EFL1: variants seen among roughly 807,000 people sequenced by gnomAD.
The protein encoded by EFL1 is elongation factor-like GTPase 1.
A neutral mutation model predicts 126.7 loss-of-function variants in EFL1; 76 were observed. The ratio of observed to expected loss-of-function variants is 0.60; its 90% confidence interval spans 0.50 to 0.73. The LOEUF (loss-of-function observed/expected upper bound fraction) is 0.73, where lower values mean the gene tolerates loss of function less well. EFL1 is among the 30% of genes least tolerant of loss of function. The pLI is 0.00. For missense variants in EFL1, 1,128 were observed against 1,343.2 expected (o/e 0.84, Z 2.50); for synonymous variants, 410 against 448.4 (o/e 0.91, Z 1.08).
chr15:82,130,688 G>T, intron 19 of EFL1, 127 bp from the exon 20 acceptor site: 2 of 957,848 alleles, frequency 2.1e-6, no homozygotes, highest in Non-Finnish European at 3.1e-6. Context: ...AGCTAAGCTT[G>T]CTAGGAATGG....
intron 15 of EFL1, among the ~76,000 whole-genome samples, chr15:82,198,453 AAAAAACAAAAAAC>A (rs2074433358): frequency 6.6e-6 from 1 of 152,164 alleles, no homozygotes; most frequent in South Asian, 2.1e-4. Flanking sequence ...TGTTTTGTTT[AAAAAACAAAAAAC>A]TCCTGCTTAT....
At chr15:82,256,500 A>T (rs908324230) in intron 3 of EFL1, among the ~76,000 whole-genome samples, 3 of 152,232 alleles carry the variant, frequency 2.0e-5, no homozygotes, top group Non-Finnish European at 2.9e-5. Flanking sequence ...AACCTCCAGT[A>T]CAATCTAAAG....
rs145255253 is a variant in EFL1, at chr15:82,236,915, G to A, written c.731+1392C>T. On this transcript the variant is annotated intron_variant, in intron 7 of 19. Coordinates refer to ENST00000268206, the MANE Select transcript of EFL1 (RefSeq NM_024580.6). ...TCCCAGCACTGTGGGAGGCCGAGGCGGATCACTTGAGGTCAGGAGTTTGAG... is the reference window on the plus strand; with the variant it reads ...TCCCAGCACTGTGGGAGGCCGAGGCAGATCACTTGAGGTCAGGAGTTTGAG... 7.1e-3 allele frequency among the ~76,000 whole-genome samples: 1,076 copies of A among 152,270 alleles called. 15 individuals carry two copies. The highest frequency in any genetic ancestry group is 0.025 in the African/African-American group (1,018 of 41,544).
chr15:82,217,333 G>T (rs1396767818), intron 14 of EFL1, among the ~76,000 whole-genome samples: 1 of 67,484 alleles, frequency 1.5e-5, no homozygotes, highest in African/African-American at 5.9e-5. Flanking sequence ...TGCATAAGGA[G>T]ATATATACAA....
At chr15:82,258,050 G>A (rs534975663) in intron 3 of EFL1, among the ~76,000 whole-genome samples, 11 of 152,080 alleles carry the variant, frequency 7.2e-5, no homozygotes, top group African/African-American at 9.7e-5. Flanking sequence ...TTCCCAAATC[G>A]ATCTTCAAGT....
chr15:82,140,288 C>A (rs907576520), intron 18 of EFL1, among the ~76,000 whole-genome samples: 3 of 152,134 alleles, frequency 2.0e-5, no homozygotes, highest in African/African-American at 7.2e-5. Context: ...GAAACTGCTT[C>A]CTTGAAATTT....
At chr15:82,156,107 T>C (rs781216851) in intron 17 of EFL1, among the ~76,000 whole-genome samples, 4 of 152,194 alleles carry the variant, frequency 2.6e-5, no homozygotes, top group Non-Finnish European at 5.9e-5. Context: ...AAGAAGCTTT[T>C]TGCCACCCTG....
intron 18 of EFL1, among the ~76,000 whole-genome samples, chr15:82,147,904 C>T (rs143236022): frequency 1.3e-5 from 2 of 152,192 alleles, no homozygotes; most frequent in African/African-American, 4.8e-5. Context: ...CCAAGATGCT[C>T]AAAATCAAAA....
intron 12 of EFL1, among the ~76,000 whole-genome samples, chr15:82,220,732 G>A (rs917926520): frequency 2.6e-5 from 4 of 151,726 alleles, no homozygotes; most frequent in African/African-American, 9.7e-5. Context: ...CACAGAAAAG[G>A]CAGTGTGTGG....
intron 15 of EFL1, among the ~76,000 whole-genome samples, chr15:82,197,419 T>C (rs2074419528): frequency 6.6e-6 from 1 of 152,184 alleles, no homozygotes; most frequent in Non-Finnish European, 1.5e-5. Context: ...CTCAAATCCT[T>C]AGAAATATGA....
At chr15:82,167,040 T>C (rs1183870857) in intron 15 of EFL1, among the ~76,000 whole-genome samples, 1 of 152,190 alleles carries the variant, frequency 6.6e-6, no homozygotes, top group Non-Finnish European at 1.5e-5. Flanking sequence ...AGCGTGCCAT[T>C]GATTTGATTT....
chr15:82,215,216 T>G (rs1240594442), intron 14 of EFL1, among the ~76,000 whole-genome samples: 1 of 152,196 alleles, frequency 6.6e-6, no homozygotes. Context: ...GTGCTATCAT[T>G]TGAACACTCA....
chr15:82,254,892 C>T (rs2075054006), intron 3 of EFL1, among the ~76,000 whole-genome samples: 1 of 152,182 alleles, frequency 6.6e-6, no homozygotes, highest in Non-Finnish European at 1.5e-5. Flanking sequence ...AATGAAACCA[C>T]TGTCAGTACT....
intron 4 of EFL1, among the ~76,000 whole-genome samples, chr15:82,244,286 T>C (rs2074951251): frequency 6.6e-6 from 1 of 152,250 alleles, no homozygotes; most frequent in African/African-American, 2.4e-5. Context: ...ACTTACCACT[T>C]TTGCGTGTGT....
At chr15:82,227,006 G>A (rs1372050307) in intron 11 of EFL1, among the ~76,000 whole-genome samples, 1 of 152,230 alleles carries the variant, frequency 6.6e-6, no homozygotes. Context: ...ATCTAGTCCT[G>A]TGAAGACTGA....
intron 3 of EFL1, among the ~76,000 whole-genome samples, chr15:82,258,443 C>G (rs1228313144): frequency 1.3e-5 from 2 of 152,076 alleles, no homozygotes; most frequent in East Asian, 3.9e-4. Flanking sequence ...CCCAGGTACC[C>G]AAGAGGCTGA....
chr15:82,155,835 T>C (rs371112322), intron 17 of EFL1, among the ~76,000 whole-genome samples: 1 of 152,368 alleles, frequency 6.6e-6, no homozygotes, highest in Non-Finnish European at 1.5e-5. Flanking sequence ...AGTAATAAGT[T>C]GAATAGTCTT....
intron 7 of EFL1, among the ~76,000 whole-genome samples, chr15:82,237,572 G>A (rs2074886430): frequency 6.6e-6 from 1 of 152,126 alleles, no homozygotes; most frequent in African/African-American, 2.4e-5. Context: ...AATATAAAAT[G>A]GTACAGTCCG....
chr15:82,160,605 C>T (rs1400300699), intron 16 of EFL1, among the ~76,000 whole-genome samples: 1 of 152,016 alleles, frequency 6.6e-6, no homozygotes, highest in East Asian at 1.9e-4. Context: ...GTATATAAAA[C>T]AGCACAAAAA....
Sources: allele counts gnomAD v4.1 joint callset (sites outside exome capture counted in the v4.1 genomes callset), GRCh38; gene constraint gnomAD v4.1.1; transcripts MANE v1.5; gene names NCBI Gene and HGNC (gene_info 2026-07-23, HGNC 2026-07-21).